The following ZNG1E variants were observed in gnomAD, a reference collection of about 807,000 sequenced individuals.
ZNG1E encodes Zn regulated GTPase metalloprotein activator 1E, also known as zinc-regulated GTPase metalloprotein activator 1E.
the ZNG1E span, among the ~76,000 whole-genome samples, chr9:65,671,585 G>C: frequency 6.6e-6 from 1 of 152,228 alleles, no homozygotes; most frequent in Non-Finnish European, 1.5e-5. Context: ...TTTCCAAAGT[G>C]CTGGGATTAC....
the ZNG1E span, among the ~76,000 whole-genome samples, chr9:65,717,670 T>C: frequency 8.7e-5 from 13 of 149,394 alleles, no homozygotes; most frequent in African/African-American, 3.1e-4. Flanking sequence ...CAATGCTGCA[T>C]GAAATTTGCC....
chr9:65,715,069 C>G, the ZNG1E span, among the ~76,000 whole-genome samples: 1 of 149,326 alleles, frequency 6.7e-6, no homozygotes, highest in African/African-American at 2.5e-5. Context: ...GCGTGGGACT[C>G]TCCGAGCCAG....
the ZNG1E span, among the ~76,000 whole-genome samples, chr9:65,680,851 C>T: frequency 6.6e-6 from 1 of 152,080 alleles, no homozygotes; most frequent in Non-Finnish European, 1.5e-5. Context: ...TGCAGTGGCA[C>T]AGTCTCGGGT....
the ZNG1E span, among the ~76,000 whole-genome samples, chr9:65,685,274 G>A: frequency 6.6e-6 from 1 of 152,260 alleles, no homozygotes; most frequent in Non-Finnish European, 1.5e-5. Context: ...CTGAAGGTTG[G>A]GGTGGCTATG....
At chr9:65,680,656 G>A in the ZNG1E span, among the ~76,000 whole-genome samples, 1,468 of 151,518 alleles carry the variant, frequency 9.7e-3, no homozygotes, top group African/African-American at 0.029. Context: ...GAACTTCACC[G>A]TTTGGTATAT....
the ZNG1E span, among the ~76,000 whole-genome samples, chr9:65,664,036 T>C: frequency 6.6e-6 from 1 of 152,250 alleles, no homozygotes; most frequent in Admixed American, 6.5e-5. Flanking sequence ...AAGCATGTTT[T>C]TGTTAATTTT....
the ZNG1E span, among the ~76,000 whole-genome samples, chr9:65,657,763 G>A: frequency 1.1e-4 from 17 of 152,366 alleles, no homozygotes; most frequent in Admixed American, 1.0e-3. Context: ...TGAGGCAACG[G>A]ATATACCATT....
the ZNG1E span, chr9:65,694,886 ATTCATT>A: frequency 1.1e-5 from 2 of 184,302 alleles, no homozygotes; most frequent in Non-Finnish European, 2.0e-5. Context: ...GATCTGAAAT[ATTCATT>A]TTTTAATCAT....
At chr9:65,681,079 A>G in the ZNG1E span, among the ~76,000 whole-genome samples, 4,719 of 147,676 alleles carry the variant, frequency 0.032, 17 homozygotes, top group African/African-American at 0.12. Flanking sequence ...AGCACACGGT[A>G]CACTGGCCAA....
chr9:65,667,451 T>A, the ZNG1E span, among the ~76,000 whole-genome samples: 1 of 152,288 alleles, frequency 6.6e-6, no homozygotes, highest in South Asian at 2.1e-4. Context: ...GATATTTCCA[T>A]AACTGAAGTA....
chr9:65,658,377 C>T, the ZNG1E span, among the ~76,000 whole-genome samples: 1 of 151,540 alleles, frequency 6.6e-6, no homozygotes, highest in African/African-American at 2.4e-5. Context: ...GCCAATCTCC[C>T]AGTAAGCAGA....
At chr9:65,665,238 G>T in the ZNG1E span, among the ~76,000 whole-genome samples, 1 of 152,280 alleles carries the variant, frequency 6.6e-6, no homozygotes, top group South Asian at 2.1e-4. Flanking sequence ...CCCATCACAG[G>T]CCCAGAGGTT....
the ZNG1E span, among the ~76,000 whole-genome samples, chr9:65,702,539 G>A: frequency 6.8e-6 from 1 of 147,660 alleles, no homozygotes; most frequent in Non-Finnish European, 1.5e-5. Flanking sequence ...TTACAACTAG[G>A]TTTTTATTTT....
At chr9:65,658,790 C>T in the ZNG1E span, among the ~76,000 whole-genome samples, 1 of 139,306 alleles carries the variant, frequency 7.2e-6, no homozygotes, top group African/African-American at 2.8e-5. Flanking sequence ...TGACGCTTCT[C>T]TCCTTAGCTC....
At chr9:65,684,025 G>A in the ZNG1E span, among the ~76,000 whole-genome samples, 34 of 151,022 alleles carry the variant, frequency 2.3e-4, no homozygotes, top group African/African-American at 3.4e-4. Flanking sequence ...AATTAAACAC[G>A]ATTCAGCTTT....
chr9:65,673,879 A>G, the ZNG1E span, among the ~76,000 whole-genome samples: 10 of 152,280 alleles, frequency 6.6e-5, no homozygotes, highest in Non-Finnish European at 1.2e-4. Context: ...TGTACTTTTA[A>G]AAATATGTCA....
the ZNG1E span, among the ~76,000 whole-genome samples, chr9:65,698,886 ATGTG>A: frequency 1.4e-5 from 2 of 140,600 alleles, no homozygotes; most frequent in African/African-American, 5.5e-5. Context: ...ATATATATAT[ATGTG>A]TAATAATAAT....
the ZNG1E span, among the ~76,000 whole-genome samples, chr9:65,673,863 C>G: frequency 6.6e-6 from 1 of 152,294 alleles, no homozygotes; most frequent in African/African-American, 2.4e-5. Context: ...TGGGAACCCA[C>G]AAGAATGTAC....
the ZNG1E span, among the ~76,000 whole-genome samples, chr9:65,658,148 A>G: frequency 1.7e-3 from 252 of 151,646 alleles, no homozygotes; most frequent in African/African-American, 5.5e-3. Context: ...AATACCTATT[A>G]TGTACCAATA....
Sources: gnomAD v4.1 joint callset for allele counts (sites outside exome capture counted in the v4.1 genomes callset) on GRCh38, gnomAD v4.1.1 for gene constraint, MANE v1.5 for transcripts, NCBI Gene and HGNC (gene_info 2026-07-23, HGNC 2026-07-21) for gene names.